Variants in PTPRD observed in about 807,000 individuals in gnomAD.
The protein encoded by PTPRD is receptor-type tyrosine-protein phosphatase delta.
PTPRD carries 34 observed loss-of-function variants against 214.5 expected under a neutral mutation model. The ratio of observed to expected loss-of-function variants is 0.16; its 90% confidence interval spans 0.12 to 0.21. PTPRD has a LOEUF of 0.21. Ranked by LOEUF, PTPRD falls within the 10% of genes least tolerant of loss-of-function variation. The pLI, the probability that PTPRD is intolerant of heterozygous loss-of-function variation, is 1.00. For missense variants in PTPRD, 2,545 were observed against 2,398.7 expected (o/e 1.06, Z -1.27); for synonymous variants, 1,128 against 845.7 (o/e 1.33, Z -5.79).
chr9:9,223,005 A>C (rs1159269682), intron 9 of PTPRD, among the ~76,000 whole-genome samples: 1 of 152,068 alleles, frequency 6.6e-6, no homozygotes, highest in Non-Finnish European at 1.5e-5. Context: ...ACTTTTTCTT[A>C]CTGTAACTAT....
At chr9:8,719,217 T>G (rs1341756154) in intron 12 of PTPRD, among the ~76,000 whole-genome samples, 1 of 152,164 alleles carries the variant, frequency 6.6e-6, no homozygotes, top group Non-Finnish European at 1.5e-5. Context: ...TTTCAGGAGT[T>G]TGCAATTTGA....
chr9:9,273,223 A>T lies in PTPRD; in HGVS notation c.-202-89860T>A, dbSNP rs927056086. ...CCAAGTTGCTAGTAAATTCTTATTG[A>T]GTTTTTGAGACCTAACTACCAAATA... is the stretch of plus-strand genomic sequence containing the variant. On this transcript the variant is annotated intron_variant, in intron 9 of 45. Transcript: ENST00000381196. 2.6e-5 allele frequency among the ~76,000 whole-genome samples: 4 copies of T among 151,236 alleles called. No homozygotes were observed. In the East Asian group the frequency reaches 7.9e-4, roughly 30 times the overall value.
At chr9:8,417,171 C>T (rs1384766663) in intron 35 of PTPRD, among the ~76,000 whole-genome samples, 1 of 152,070 alleles carries the variant, frequency 6.6e-6, no homozygotes, top group East Asian at 1.9e-4. Flanking sequence ...CCACAGCTTT[C>T]TATAATATAT....
chr9:9,371,677 C>G (rs540971043), intron 9 of PTPRD, among the ~76,000 whole-genome samples: 1 of 152,106 alleles, frequency 6.6e-6, no homozygotes, highest in Non-Finnish European at 1.5e-5. Flanking sequence ...TTTGCTCTTG[C>G]TTCTCTAGTT....
intron 10 of PTPRD, among the ~76,000 whole-genome samples, chr9:9,025,697 G>A (rs115808216): frequency 0.048 from 7,336 of 151,954 alleles, 206 homozygotes; most frequent in South Asian, 0.081. Context: ...AATGGAAAAA[G>A]CATGAGCTTT....
chr9:8,960,291 C>A (rs1349808673), intron 11 of PTPRD, among the ~76,000 whole-genome samples: 1 of 152,048 alleles, frequency 6.6e-6, no homozygotes, highest in Non-Finnish European at 1.5e-5. Context: ...CATTAGTTAT[C>A]ATGATTGCTA....
intron 5 of PTPRD, among the ~76,000 whole-genome samples, chr9:9,929,086 C>T (rs1358659723): frequency 6.6e-6 from 1 of 152,050 alleles, no homozygotes; most frequent in Non-Finnish European, 1.5e-5. Context: ...GCAATAGATA[C>T]CATATCTGTC....
At chr9:10,466,480 A>C (rs974148721) in intron 2 of PTPRD, among the ~76,000 whole-genome samples, 3 of 151,802 alleles carry the variant, frequency 2.0e-5, no homozygotes. Flanking sequence ...AAAATTGACC[A>C]GGCGTGGTGG....
In PTPRD at chr9:9,213,893, T is replaced by A. The variant is rs143718554; in HGVS notation, c.-202-30530A>T. 3.9e-3 allele frequency among the ~76,000 whole-genome samples: 587 copies of A among 152,288 alleles called. 4 individuals are homozygous for A. Among genetic ancestry groups the A allele is most frequent in the Non-Finnish European group, 6.1e-3 (413 of 68,010 alleles). On this transcript the variant is annotated intron_variant, in intron 9 of 45. Coordinates refer to ENST00000381196, the MANE Select transcript of PTPRD (RefSeq NM_002839.4). ...AGGGTCTCCTTATCCCTTGTTCAGCTTTGTTTTTTGTGTAGTTTTTCTTGT... is the reference window on the plus strand; with the variant it reads ...AGGGTCTCCTTATCCCTTGTTCAGCATTGTTTTTTGTGTAGTTTTTCTTGT...
At chr9:10,250,550 C>A (rs1185184837) in intron 3 of PTPRD, among the ~76,000 whole-genome samples, 1 of 151,990 alleles carries the variant, frequency 6.6e-6, no homozygotes, top group African/African-American at 2.4e-5. Context: ...AGCAATAATC[C>A]CTCTTTAAGC....
intron 11 of PTPRD, among the ~76,000 whole-genome samples, chr9:8,946,819 T>C (rs946287810): frequency 3.3e-5 from 5 of 151,990 alleles, no homozygotes; most frequent in South Asian, 2.1e-4. Context: ...TCCCTTTTTT[T>C]CCCCCCATAA....
intron 3 of PTPRD, among the ~76,000 whole-genome samples, chr9:10,327,516 C>T (rs1220543542): frequency 1.3e-5 from 2 of 151,470 alleles, no homozygotes; most frequent in East Asian, 3.9e-4. Flanking sequence ...AATTTTTCAC[C>T]AATCTCTAGA....
chr9:8,992,547 G>C (rs1240147612), intron 11 of PTPRD, among the ~76,000 whole-genome samples: 3 of 152,228 alleles, frequency 2.0e-5, no homozygotes, highest in Non-Finnish European at 4.4e-5. Flanking sequence ...TAGAGGTTTG[G>C]TTATTTAGCA....
intron 4 of PTPRD, among the ~76,000 whole-genome samples, chr9:9,962,166 T>C (rs1050026449): frequency 6.6e-6 from 1 of 151,956 alleles, no homozygotes; most frequent in Non-Finnish European, 1.5e-5. Flanking sequence ...CTTTCTAAAA[T>C]CACAAACCAA....
At chr9:9,521,963 GCCTGACCAACGTGGAGAAAC>G (rs1298531688) in intron 8 of PTPRD, among the ~76,000 whole-genome samples, 1 of 151,986 alleles carries the variant, frequency 6.6e-6, no homozygotes, top group East Asian at 1.9e-4. Flanking sequence ...TTTGAGACGA[GCCTGACCAACGTGGAGAAAC>G]CCTGTGTTTA....
intron 7 of PTPRD, among the ~76,000 whole-genome samples, chr9:9,724,963 C>T (rs1596093312): frequency 3.3e-5 from 5 of 152,228 alleles, no homozygotes; most frequent in Admixed American, 3.3e-4. Context: ...GGGAGACTCG[C>T]AGAGTTTATT....
intron 3 of PTPRD, among the ~76,000 whole-genome samples, chr9:10,106,143 A>G (rs1024736421): frequency 3.3e-5 from 5 of 151,754 alleles, no homozygotes; most frequent in Non-Finnish European, 5.9e-5. Flanking sequence ...TTTTGAATTC[A>G]ATTTTGTGAA....
chr9:9,933,855 G>T (rs1396523055), intron 5 of PTPRD, among the ~76,000 whole-genome samples: 1 of 149,240 alleles, frequency 6.7e-6, no homozygotes, highest in Admixed American at 6.6e-5. Context: ...AAATGTAAAA[G>T]AACAGAAATT....
chr9:8,775,054 A>G (rs2095414774), intron 11 of PTPRD, among the ~76,000 whole-genome samples: 1 of 152,166 alleles, frequency 6.6e-6, no homozygotes, highest in African/African-American at 2.4e-5. Context: ...CAAGTCTCCA[A>G]TTAATTGCTA....
Sources: allele counts gnomAD v4.1 joint callset (sites outside exome capture counted in the v4.1 genomes callset), GRCh38; gene constraint gnomAD v4.1.1; transcripts MANE v1.5; gene names NCBI Gene and HGNC (gene_info 2026-07-23, HGNC 2026-07-21).